Variants in HLA-DQB2 observed in about 807,000 individuals in gnomAD.
HLA-DQB2 encodes the protein major histocompatibility complex, class II, DQ beta 2, also known as HLA class II histocompatibility antigen, DQ beta 2 chain.
HLA-DQB2 carries 24 observed loss-of-function variants against 29.2 expected under a neutral mutation model. The ratio of observed to expected loss-of-function variants is 0.82; its 90% CI spans 0.60 to 1.16. The LOEUF (loss-of-function observed/expected upper bound fraction) is 1.16, where lower values mean the gene tolerates loss of function less well. HLA-DQB2 is among the 50% of genes most tolerant of loss of function. HLA-DQB2 has a pLI of 0.00. For synonymous variants in HLA-DQB2, 104 were observed against 133.1 expected, an observed-to-expected ratio of 0.78 and a Z score of 1.51; for missense variants, 273 against 343.6, an observed-to-expected ratio of 0.79 and a Z score of 1.62.
In HLA-DQB2 at chr6:32,758,869, G is replaced by A; in HGVS notation, c.627C>T (p.Ser209=). 1 of 1,613,960 alleles carries A rather than the reference G, an allele frequency of 6.2e-7. No homozygotes were observed. Among genetic ancestry groups the A allele is most frequent in the Non-Finnish European group, 8.5e-7 (1 of 1,179,950 alleles). The change falls in exon 3 of 6, where the codon AGC becomes AGT. Residue 209 remains serine (S), a synonymous_variant. Coordinates refer to ENST00000437316, the MANE Select transcript of HLA-DQB2 (RefSeq NM_001300790.2). ...TCQVEHPSLQ[S]PITVEWRAQS... is the part of the protein sequence containing the mutation. Reference sequence around the variant, plus strand: ...CCTTACGCCACTCCACGGTGATGGGGCTCTGGAGGCTGGGGTGCTCCACTT... The same window carrying A: ...CCTTACGCCACTCCACGGTGATGGGACTCTGGAGGCTGGGGTGCTCCACTT...
At chr6:32,763,039 C>T (rs1178999038) in intron 1 of HLA-DQB2, among the ~76,000 whole-genome samples, 1 of 150,338 alleles carries the variant, frequency 6.7e-6, no homozygotes, top group Non-Finnish European at 1.5e-5. Flanking sequence ...AAAAATCCTA[C>T]TGTGTCTTTG....
In HLA-DQB2 at chr6:32,759,010, G is replaced by A. The variant is rs763896886; in HGVS notation, c.486C>T (p.Asp162=). Reference sequence around the variant, plus strand: ...ACACAACACCGGCTGTCTCCTCCTGGTCATTCCGAAACCACCGGACTTTGA... The same window carrying A: ...ACACAACACCGGCTGTCTCCTCCTGATCATTCCGAAACCACCGGACTTTGA... The part of the protein sequence containing the change: ...AQIKVRWFRN[D]QEETAGVVST... The change falls in exon 3 of 6, where the codon GAC becomes GAT. Residue 162 remains aspartate (D), a synonymous_variant. Coordinates refer to ENST00000437316, the MANE Select transcript of HLA-DQB2 (RefSeq NM_001300790.2). 1.2e-6 allele frequency: 2 copies of A among 1,614,242 alleles called. No homozygotes were observed. Among genetic ancestry groups the A allele is most frequent in the Non-Finnish European group, 1.7e-6 (2 of 1,180,058 alleles).
chr6:32,760,549 TAG>T (rs1218645866), intron 2 of HLA-DQB2, among the ~76,000 whole-genome samples: 8 of 152,192 alleles, frequency 5.3e-5, no homozygotes, highest in Non-Finnish European at 1.0e-4. Flanking sequence ...GGCAATTGTC[TAG>T]AAATAAGTGC....
rs761067146 is a variant in HLA-DQB2, at chr6:32,763,451, C to G, written c.20G>C (p.Gly7Ala). The G allele has an allele frequency of 6.4e-7, 1 of 1,558,582 alleles. No individual in the cohort carries two copies. Among genetic ancestry groups the G allele is most frequent in the South Asian group, 1.2e-5 (1 of 84,484 alleles). Reference sequence around the variant, plus strand: ...GGTCACAGCTGCTGCCCAAAAGCCTCCAGGGATCTGCAGAGCCATCTTCCA... The same window carrying G: ...GGTCACAGCTGCTGCCCAAAAGCCTGCAGGGATCTGCAGAGCCATCTTCCA... MALQIP[G>A]GFWAAAVTVM... Residue 7 changes from glycine (G) to alanine (A), a missense_variant, in exon 1 of 6, where the codon GGA (glycine) becomes GCA (alanine). Physicochemically the swap from Gly to Ala is moderately conservative, Grantham distance 60. Coordinates refer to ENST00000437316, the MANE Select transcript of HLA-DQB2 (RefSeq NM_001300790.2).
chr6:32,756,630 G>A, intron 5 of HLA-DQB2, 164 bp from the exon 6 acceptor site: 5 of 1,417,522 alleles, frequency 3.5e-6, no homozygotes, highest in African/African-American at 1.4e-5. Context: ...ATCAGCTCAT[G>A]AGGACACAGA....
chr6:32,760,811 C>T (rs2395256), intron 2 of HLA-DQB2, among the ~76,000 whole-genome samples: 83,718 of 148,742 alleles, frequency 0.56, 19,933 homozygotes, highest in East Asian at 0.65. Context: ...CCTTTTTCCC[C>T]AGACTGCATT....
chr6:32,757,253 C>T, intron 5 of HLA-DQB2, 28 bp downstream of exon 5: 1 of 1,550,482 alleles, frequency 6.4e-7, no homozygotes. Context: ...TGCCCTCTCC[C>T]CTGACTGGAT....
intron 2 of HLA-DQB2, among the ~76,000 whole-genome samples, chr6:32,759,523 G>A (rs906776732): frequency 2.0e-5 from 3 of 148,368 alleles, no homozygotes; most frequent in African/African-American, 7.5e-5. Context: ...ACCTTTCCCT[G>A]CATATTTTAT....
rs190434446 is a variant in HLA-DQB2 at position 32,757,415 on chromosome 6, C to T, written c.758-111G>A. The T allele has an allele frequency of 4.2e-4, 351 of 838,604 alleles. 1 individual carries two copies. Among genetic ancestry groups the T allele is most frequent in the African/African-American group, 3.9e-3 (233 of 59,074 alleles). 51.9% of individuals were successfully genotyped at this position (838,604 alleles called of 1,614,324 possible). On this transcript the variant is annotated intron_variant, in intron 4 of 5. Transcript: ENST00000437316. Reference sequence around the variant, plus strand: ...ATTGGGGTTATATCCTCTTCCCTCCCATGTTCTTTAAGTCCTTAAGCACCC... The same window carrying T: ...ATTGGGGTTATATCCTCTTCCCTCCTATGTTCTTTAAGTCCTTAAGCACCC...
At chr6:32,761,517 A>C in intron 2 of HLA-DQB2, 143 bp downstream of exon 2, 2 of 894,090 alleles carry the variant, frequency 2.2e-6, no homozygotes, top group Non-Finnish European at 3.3e-6. Flanking sequence ...ATACTACCCC[A>C]GCCTCCAAAT....
intron 1 of HLA-DQB2, among the ~76,000 whole-genome samples, chr6:32,762,422 ACCAAGTAAAC>A (rs1315666292): frequency 6.9e-6 from 1 of 145,212 alleles, no homozygotes; most frequent in East Asian, 2.0e-4. Flanking sequence ...TGGGCAAGAG[ACCAAGTAAAC>A]CCATGCCTGG....
intron 4 of HLA-DQB2, 76 bp from the exon 5 acceptor site, chr6:32,757,380 A>G (rs1764346503): frequency 8.4e-6 from 9 of 1,074,576 alleles, no homozygotes; most frequent in South Asian, 5.4e-5. Flanking sequence ...AAAATGACAC[A>G]TGTAGTTTAA....
chr6:32,756,801 A>C, intron 5 of HLA-DQB2: 1 of 1,208,654 alleles, frequency 8.3e-7, no homozygotes, highest in Non-Finnish European at 1.0e-6. Context: ...AGCTAACAAA[A>C]TGTGGCACAA....
At position 32,763,373 on chromosome 6, in the gene HLA-DQB2, C is replaced by T; in HGVS notation, c.97+1G>A. 6.5e-7 allele frequency: 1 copy of T among 1,549,840 alleles called. No homozygotes were observed. Among genetic ancestry groups the T allele is most frequent in the African/African-American group, 1.4e-5 (1 of 73,558 alleles). Reference sequence around the variant, plus strand: ...CTCGAGAGCAGCTGCCCTGCACTTACTGGGAAAGTCTCTGGCCTCAGCCAC... The same window carrying T: ...CTCGAGAGCAGCTGCCCTGCACTTATTGGGAAAGTCTCTGGCCTCAGCCAC... On this transcript the variant is annotated splice_donor_variant, in intron 1 of 5. Transcript: ENST00000437316. LOFTEE classifies it high-confidence loss of function.
Position 32,761,757 on chromosome 6 carries a change from G to T in HLA-DQB2, c.267C>A (p.Asn89Lys). 1.3e-6 allele frequency: 2 copies of T among 1,563,906 alleles called. No individual in the cohort carries two copies. The highest frequency in any genetic ancestry group is 1.7e-6 in the Non-Finnish European group (2 of 1,154,614). ...TELGRSIEDW[N>K]NYKDFLEQER... ...CCTGCTCCAAGAAGTCCTTATAGTT[G>T]TTCCAGTCCTCGATGCTCCGCCCCA... Residue 89 changes from asparagine to lysine, a missense_variant, in exon 2 of 6, where the codon AAC (asparagine) becomes AAA (lysine). Transcript: ENST00000437316.
Position 32,761,696 on chromosome 6 carries a change from A to T in HLA-DQB2, c.328T>A (p.Tyr110Asn). The T allele has an allele frequency of 6.4e-7, 1 of 1,552,266 alleles. No individual in the cohort carries two copies. The highest frequency in any genetic ancestry group is 8.7e-7 in the Non-Finnish European group (1 of 1,147,896). ...AAVDKVCRHN[Y>N]EAELRTTLQR... ...AAGGTCGTGCGCAGCTCCGCCTCGTAGTTGTGTCTGCACACCTTGTCCACC... is the reference window on the plus strand; with the variant it reads ...AAGGTCGTGCGCAGCTCCGCCTCGTTGTTGTGTCTGCACACCTTGTCCACC... The change falls in exon 2 of 6, where the codon TAC becomes AAC. Residue 110 changes from tyrosine to asparagine, a missense_variant. Tyr to Asn is a moderately radical substitution (Grantham distance 143, BLOSUM62 -2). Coordinates refer to ENST00000437316, the MANE Select transcript of HLA-DQB2 (RefSeq NM_001300790.2).
intron 3 of HLA-DQB2, among the ~76,000 whole-genome samples, chr6:32,758,326 T>C (rs1764459522): frequency 6.6e-6 from 1 of 152,156 alleles, no homozygotes. Flanking sequence ...TCTCATGAGA[T>C]CTGGTTATGT....
chr6:32,756,377 A>T lies in HLA-DQB2; in HGVS notation c.*76T>A. 1 of 905,386 alleles carries T rather than the reference A, an allele frequency of 1.1e-6. No individual in the cohort carries two copies. The highest frequency in any genetic ancestry group is 1.8e-6 in the Non-Finnish European group (1 of 550,514). 56.1% of individuals were successfully genotyped at this position (905,386 alleles called of 1,614,324 possible). Reference sequence around the variant, plus strand: ...CTCAGTGGGACAGGGTGACACAGGCAGCTAGGAATTCTGGGCAGGGGCAGG... The same window carrying T: ...CTCAGTGGGACAGGGTGACACAGGCTGCTAGGAATTCTGGGCAGGGGCAGG... On this transcript the variant is annotated 3_prime_UTR_variant, in exon 6 of 6. Transcript: ENST00000437316.
rs772996134 is a variant in HLA-DQB2, at chr6:32,761,882, C to G, written c.142G>C (p.Gly48Arg). ...GCCACACCGCGCACGCGCTCTGTCCCGTTGGTGAAGTAGCACATGCCCTTA... is the reference window on the plus strand; with the variant it reads ...GCCACACCGCGCACGCGCTCTGTCCGGTTGGTGAAGTAGCACATGCCCTTA... ...QFKGMCYFTN[G>R]TERVRGVARY... Residue 48 changes from glycine (G) to arginine (R), a missense_variant, in exon 2 of 6, where the codon GGG becomes CGG. Gly to Arg is a moderately radical substitution (Grantham distance 125). Transcript: ENST00000437316. 19 of 1,612,382 alleles carry G rather than the reference C, an allele frequency of 1.2e-5. No homozygotes were observed. Among genetic ancestry groups the G allele is most frequent in the East Asian group, 4.5e-5 (2 of 44,794 alleles).
Sources: gnomAD v4.1 joint callset for allele counts (sites outside exome capture counted in the v4.1 genomes callset) on GRCh38, gnomAD v4.1.1 for gene constraint, MANE v1.5 for transcripts, NCBI Gene and HGNC (gene_info 2026-07-23, HGNC 2026-07-21) for gene names.